Variants in EDA observed in about 807,000 individuals in gnomAD.
The protein encoded by EDA is ectodysplasin A.
EDA carries 2 observed loss-of-function variants against 23.6 expected under a neutral mutation model. The ratio of observed to expected loss-of-function variants is 0.08; its 90% CI spans 0.03 to 0.27. The LOEUF (loss-of-function observed/expected upper bound fraction) is 0.27, where lower values mean the gene tolerates loss of function less well. EDA is among the 10% of genes least tolerant of loss of function. EDA has a pLI of 1.00. For missense variants in EDA, 229 were observed against 324.2 expected (o/e 0.71, Z 2.26); for synonymous variants, 131 against 132.0 (o/e 0.99, Z 0.05).
intron 1 of EDA, among the ~76,000 whole-genome samples, chrX:69,791,157 T>C (rs188561131): frequency 2.3e-3 from 263 of 112,031 alleles, no homozygotes; most frequent in Admixed American, 5.5e-3. Context: ...CAATTCATGG[T>C]CATTTTTTAA....
chrX:69,697,373 G>C (rs1384102881), intron 1 of EDA, among the ~76,000 whole-genome samples: 1 of 111,271 alleles, frequency 9.0e-6, no homozygotes, highest in Non-Finnish European at 1.9e-5. Context: ...CCTGAGAAGG[G>C]AGGAGTTATT....
At chrX:70,017,910 T>G (rs752327769) in intron 2 of EDA, among the ~76,000 whole-genome samples, 1 of 111,969 alleles carries the variant, frequency 8.9e-6, no homozygotes, top group African/African-American at 3.2e-5. Flanking sequence ...GAAGTCAAAC[T>G]ATCCCTCTTT....
intron 2 of EDA, among the ~76,000 whole-genome samples, chrX:70,013,066 C>G (rs1426550307): frequency 1.8e-5 from 2 of 112,502 alleles, no homozygotes; most frequent in Non-Finnish European, 3.8e-5. Context: ...GGTCTCTGAC[C>G]TTGTTACTCC....
intron 1 of EDA, among the ~76,000 whole-genome samples, chrX:69,695,042 T>C (rs972553366): frequency 2.7e-5 from 3 of 112,271 alleles, no homozygotes; most frequent in African/African-American, 9.7e-5. Context: ...GGTTTTGGCC[T>C]GGCATGGTGG....
At chrX:69,788,115 G>C (rs2015261100) in intron 1 of EDA, among the ~76,000 whole-genome samples, 1 of 110,995 alleles carries the variant, frequency 9.0e-6, no homozygotes, top group Admixed American at 9.5e-5. Context: ...TCTTCACATA[G>C]TTCTCGAGCC....
intron 1 of EDA, among the ~76,000 whole-genome samples, chrX:69,698,235 C>T (rs1340604926): frequency 1.8e-5 from 2 of 111,376 alleles, no homozygotes; most frequent in Non-Finnish European, 3.8e-5. Flanking sequence ...GGGTGTTGCC[C>T]ACTGTTAATG....
At chrX:69,973,585 T>C in intron 2 of EDA, among the ~76,000 whole-genome samples, 1 of 111,648 alleles carries the variant, frequency 9.0e-6, no homozygotes. Flanking sequence ...GCCTTCTCCC[T>C]CATTCCCTAG....
intron 1 of EDA, among the ~76,000 whole-genome samples, chrX:69,773,596 T>G (rs759293438): frequency 1.8e-5 from 2 of 110,034 alleles, no homozygotes; most frequent in Non-Finnish European, 3.8e-5. Context: ...TTTGTTGTTG[T>G]TTTTTTTTAA....
chrX:70,009,752 A>C (rs1240051431), intron 2 of EDA, among the ~76,000 whole-genome samples: 2 of 110,953 alleles, frequency 1.8e-5, no homozygotes, highest in Non-Finnish European at 3.8e-5. Flanking sequence ...ATGCCCAGCT[A>C]ATTTTTGTAT....
At chrX:69,685,446 A>G (rs1206393193) in intron 1 of EDA, among the ~76,000 whole-genome samples, 1 of 111,880 alleles carries the variant, frequency 8.9e-6, no homozygotes, top group East Asian at 2.8e-4. Flanking sequence ...TAGTACAATA[A>G]ATATTTGAAT....
intron 1 of EDA, among the ~76,000 whole-genome samples, chrX:69,649,663 T>A (rs987498169): frequency 5.0e-4 from 54 of 107,856 alleles, no homozygotes; most frequent in Non-Finnish European, 8.4e-4. Context: ...CTCAGCTCAC[T>A]GCAACCTCCG....
chrX:69,725,163 C>T (rs1303700665), intron 1 of EDA, among the ~76,000 whole-genome samples: 6 of 111,644 alleles, frequency 5.4e-5, no homozygotes, highest in Non-Finnish European at 1.1e-4. Flanking sequence ...TCTGGGAATG[C>T]GATTATTTAT....
intron 1 of EDA, among the ~76,000 whole-genome samples, chrX:69,799,392 G>A (rs2015621170): frequency 9.0e-6 from 1 of 110,784 alleles, no homozygotes. Context: ...TCAACAAAGT[G>A]TAGGAAACCC....
intron 1 of EDA, among the ~76,000 whole-genome samples, chrX:69,695,512 C>CTTTTTTTT (rs34298428): frequency 4.5e-5 from 4 of 88,870 alleles, no homozygotes; most frequent in Non-Finnish European, 4.4e-5. Context: ...TTCCTTCTTT[C>CTTTTTTTT]TTTTTTTTTT....
intron 1 of EDA, among the ~76,000 whole-genome samples, chrX:69,639,185 G>T (rs1932812369): frequency 9.0e-6 from 1 of 111,547 alleles, no homozygotes; most frequent in African/African-American, 3.3e-5. Flanking sequence ...CACTTGGGTT[G>T]CTTCCACCTT....
At chrX:69,856,254 G>GGTGTGTGT (rs202079519) in intron 1 of EDA, among the ~76,000 whole-genome samples, 1,003 of 74,917 alleles carry the variant, frequency 0.013, 7 homozygotes, top group African/African-American at 0.021. Flanking sequence ...AGTATTCCAT[G>GGTGTGTGT]GTGTGTGTGT....
At position 69,991,228 on chromosome X, in the gene EDA, A is replaced by AT. The variant is rs757321687; in HGVS notation, c.503-31983dup. ...CTCCTGGTTCTCATTATGATGCGTG[A>AT]TTTTTTTATTGTATTCTGGACATTT... On this transcript the variant is annotated intron_variant, in intron 2 of 7. Transcript: ENST00000374552. Among the ~76,000 whole-genome samples the AT allele has an allele frequency of 1.1e-4, 12 of 111,161 alleles. No homozygotes were observed. In the East Asian group the frequency reaches 2.8e-3, roughly 26 times the overall value.
chrX:69,695,747 G>A (rs35797823), intron 1 of EDA, among the ~76,000 whole-genome samples: 35,700 of 106,710 alleles, frequency 0.33, 5,203 homozygotes, highest in Middle Eastern at 0.57. Context: ...TGATCCACCC[G>A]CCTCCCGCCT....
intron 2 of EDA, among the ~76,000 whole-genome samples, chrX:70,022,347 T>TTTAC (rs2020046638): frequency 9.1e-6 from 1 of 109,912 alleles, no homozygotes; most frequent in African/African-American, 3.3e-5. Context: ...TATTTATTTA[T>TTTAC]TTATTTTTGA....
Sources: gnomAD v4.1 joint callset for allele counts (sites outside exome capture counted in the v4.1 genomes callset) on GRCh38, gnomAD v4.1.1 for gene constraint, MANE v1.5 for transcripts, NCBI Gene and HGNC (gene_info 2026-07-23, HGNC 2026-07-21) for gene names.